XPNPEP3: variants seen among roughly 807,000 people sequenced by gnomAD.
XPNPEP3 encodes xaa-Pro aminopeptidase 3.
A neutral mutation model predicts 60.0 loss-of-function variants in XPNPEP3; 41 were observed. The observed-to-expected ratio is 0.68, with a 90% CI of 0.53 to 0.89. The LOEUF (loss-of-function observed/expected upper bound fraction) is 0.89. XPNPEP3 is among the 40% of genes least tolerant of loss of function. The pLI, the probability that XPNPEP3 is intolerant of heterozygous loss-of-function variation, is 0.00. For synonymous variants in XPNPEP3, 212 were observed against 223.2 expected (o/e 0.95, Z 0.45); for missense variants, 598 against 638.9 (o/e 0.94, Z 0.69).
At chr22:40,877,895 G>A (rs1167855353) in intron 2 of XPNPEP3, among the ~76,000 whole-genome samples, 5 of 152,146 alleles carry the variant, frequency 3.3e-5, no homozygotes, top group African/African-American at 4.8e-5. Flanking sequence ...CACATGGAAA[G>A]GTTTCTTTTT....
chr22:40,876,385 T>C (rs2058027848), intron 2 of XPNPEP3, among the ~76,000 whole-genome samples: 1 of 152,258 alleles, frequency 6.6e-6, no homozygotes, highest in South Asian at 2.1e-4. Context: ...TAATTATAGC[T>C]AATACTTATG....
At chr22:40,880,728 T>C (rs2058044111) in intron 2 of XPNPEP3, among the ~76,000 whole-genome samples, 1 of 148,286 alleles carries the variant, frequency 6.7e-6, no homozygotes, top group South Asian at 2.1e-4. Flanking sequence ...TTTGGGAGGC[T>C]GAGGCAGGCC....
intron 4 of XPNPEP3, among the ~76,000 whole-genome samples, chr22:40,892,010 C>G (rs1389445420): frequency 1.3e-5 from 2 of 152,100 alleles, no homozygotes; most frequent in African/African-American, 4.8e-5. Flanking sequence ...TGTTAACATG[C>G]AAGCTTATTC....
Position 40,924,353 on chromosome 22 carries a change from C to G in XPNPEP3, c.1237-9C>G. 6.2e-7 allele frequency: 1 copy of G among 1,614,108 alleles called. No individual in the cohort carries two copies. The highest frequency in any genetic ancestry group is 8.5e-7 in the Non-Finnish European group (1 of 1,180,010). ...GCTCTAATGATACTGTGACAATTATCTTTTCCAGGCTGCTCGAAAATACTG... is the reference window on the plus strand; with the variant it reads ...GCTCTAATGATACTGTGACAATTATGTTTTCCAGGCTGCTCGAAAATACTG... On this transcript the variant is annotated splice_polypyrimidine_tract_variant and intron_variant, in intron 8 of 9. Coordinates refer to ENST00000357137, the MANE Select transcript of XPNPEP3 (RefSeq NM_022098.4).
intron 4 of XPNPEP3, among the ~76,000 whole-genome samples, chr22:40,899,931 G>A (rs1185898445): frequency 6.6e-6 from 1 of 152,046 alleles, no homozygotes; most frequent in East Asian, 1.9e-4. Flanking sequence ...GAATACTCGG[G>A]AGGCAGTCTC....
At chr22:40,902,067 C>T (rs2146265705) in intron 4 of XPNPEP3, among the ~76,000 whole-genome samples, 1 of 146,536 alleles carries the variant, frequency 6.8e-6, no homozygotes, top group African/African-American at 2.6e-5. Flanking sequence ...CCTTACTTTT[C>T]CTTCTTTTTT....
chr22:40,869,604 T>C (rs1323992711), intron 2 of XPNPEP3, among the ~76,000 whole-genome samples: 2 of 152,246 alleles, frequency 1.3e-5, no homozygotes, highest in African/African-American at 4.8e-5. Context: ...TTTCCAGATT[T>C]GTTTGTCACA....
chr22:40,890,965 C>T (rs2058086023), intron 4 of XPNPEP3, among the ~76,000 whole-genome samples: 1 of 152,082 alleles, frequency 6.6e-6, no homozygotes, highest in Non-Finnish European at 1.5e-5. Flanking sequence ...TATTATTTCT[C>T]ATAGGAGTCT....
intron 3 of XPNPEP3, among the ~76,000 whole-genome samples, chr22:40,883,680 C>G (rs917356315): frequency 6.6e-6 from 1 of 152,026 alleles, no homozygotes; most frequent in Non-Finnish European, 1.5e-5. Context: ...GTTCTTGTCC[C>G]TCAAAGAAAT....
intron 6 of XPNPEP3, among the ~76,000 whole-genome samples, chr22:40,909,888 ACT>A (rs1418826102): frequency 2.6e-5 from 4 of 152,036 alleles, no homozygotes; most frequent in South Asian, 4.1e-4. Flanking sequence ...TTTCATTATA[ACT>A]CTACTTCTCT....
chr22:40,887,889 A>G (rs2058075279), intron 4 of XPNPEP3, among the ~76,000 whole-genome samples: 1 of 152,068 alleles, frequency 6.6e-6, no homozygotes, highest in Admixed American at 6.5e-5. Flanking sequence ...TATTTCATTT[A>G]TTCTCTCCAA....
At chr22:40,857,433 G>A (rs1256101160) in intron 1 of XPNPEP3, among the ~76,000 whole-genome samples, 188 bp downstream of exon 1, 2 of 152,216 alleles carry the variant, frequency 1.3e-5, no homozygotes, top group African/African-American at 2.4e-5. Context: ...GTTCTCTACC[G>A]TTGAGGTATT....
intron 8 of XPNPEP3, among the ~76,000 whole-genome samples, 188 bp from the exon 9 acceptor site, chr22:40,924,174 T>C (rs1043500692): frequency 6.6e-6 from 1 of 152,178 alleles, no homozygotes; most frequent in Admixed American, 6.6e-5. Flanking sequence ...GAGAATGCCA[T>C]TGGCAGAATT....
At chr22:40,892,607 T>C (rs1384043205) in intron 4 of XPNPEP3, among the ~76,000 whole-genome samples, 1 of 152,228 alleles carries the variant, frequency 6.6e-6, no homozygotes, top group Non-Finnish European at 1.5e-5. Context: ...ACATGACATG[T>C]TGTCGCCATT....
intron 5 of XPNPEP3, among the ~76,000 whole-genome samples, chr22:40,908,249 CT>C (rs2058163814): frequency 6.7e-6 from 1 of 150,204 alleles, no homozygotes; most frequent in Non-Finnish European, 1.5e-5. Context: ...GCCAGGCGTG[CT>C]GGCACATGCC....
chr22:40,861,749 A>G, intron 1 of XPNPEP3: 1 of 1,613,552 alleles, frequency 6.2e-7, no homozygotes, highest in Non-Finnish European at 8.5e-7. Context: ...ACTCACATTC[A>G]TCATCAAAAT....
intron 4 of XPNPEP3, among the ~76,000 whole-genome samples, chr22:40,893,418 A>C (rs1267913507): frequency 6.8e-6 from 1 of 147,374 alleles, no homozygotes; most frequent in African/African-American, 2.5e-5. Context: ...AGGCAGGAGA[A>C]TCTTTGAACC....
chr22:40,881,750 C>G lies in XPNPEP3; in HGVS notation c.182-20C>G, dbSNP rs1210987501. 9 of 1,613,608 alleles carry G rather than the reference C, an allele frequency of 5.6e-6. No homozygotes were observed. Among genetic ancestry groups the G allele is most frequent in the Non-Finnish European group, 7.6e-6 (9 of 1,179,722 alleles). ...GGCACTGCAGAAATGTAAAGCATCC[C>G]TTTTATTTGTCATTTCTAGGGGAGG... On this transcript the variant is annotated intron_variant, in intron 2 of 9. Transcript: ENST00000357137.
intron 9 of XPNPEP3, among the ~76,000 whole-genome samples, chr22:40,925,712 A>C (rs2146283097): frequency 6.6e-6 from 1 of 152,266 alleles, no homozygotes; most frequent in Non-Finnish European, 1.5e-5. Flanking sequence ...AAAGTCTTTC[A>C]GTTTCTCTTG....
Sources: gnomAD v4.1 joint callset for allele counts (sites outside exome capture counted in the v4.1 genomes callset) on GRCh38, gnomAD v4.1.1 for gene constraint, MANE v1.5 for transcripts, NCBI Gene and HGNC (gene_info 2026-07-23, HGNC 2026-07-21) for gene names.